Variants in SH2D4A observed in about 807,000 individuals in gnomAD.
SH2D4A encodes the protein SH2 domain containing 4A.
A neutral mutation model predicts 64.7 loss-of-function variants in SH2D4A; 70 were observed. The ratio of observed to expected loss-of-function variants is 1.08; its 90% CI spans 0.89 to 1.32. The LOEUF is 1.32. SH2D4A is among the 40% of genes most tolerant of loss of function. The pLI, the probability that SH2D4A is intolerant of heterozygous loss-of-function variation, is 0.00. For missense variants in SH2D4A, 706 were observed against 540.1 expected, an observed-to-expected ratio of 1.31 and a Z score of -3.04; for synonymous variants, 268 against 200.7, an observed-to-expected ratio of 1.34 and a Z score of -2.83.
chr8:19,372,778 T>C (rs1461217028), intron 7 of SH2D4A, among the ~76,000 whole-genome samples: 2 of 152,192 alleles, frequency 1.3e-5, no homozygotes, highest in African/African-American at 4.8e-5. Flanking sequence ...AAAATGATTC[T>C]GCTGCCTGTA....
At chr8:19,326,850 GC>G (rs950218394) in intron 2 of SH2D4A, among the ~76,000 whole-genome samples, 1 of 152,126 alleles carries the variant, frequency 6.6e-6, no homozygotes, top group African/African-American at 2.4e-5. Context: ...GGCATTCACT[GC>G]CCCCGAGGAG....
chr8:19,393,289 A>C, intron 8 of SH2D4A, 29 bp from the exon 9 acceptor site: 1 of 1,609,272 alleles, frequency 6.2e-7, no homozygotes, highest in Non-Finnish European at 8.5e-7. Flanking sequence ...ATTTGGCTGA[A>C]ATACCTGCCT....
intron 8 of SH2D4A, 26 bp from the exon 9 acceptor site, chr8:19,393,291 TA>T: frequency 6.2e-7 from 1 of 1,610,058 alleles, no homozygotes; most frequent in Non-Finnish European, 8.5e-7. Flanking sequence ...TTGGCTGAAA[TA>T]CCTGCCTTTT....
chr8:19,394,501 C>G (rs755287625), intron 9 of SH2D4A, 49 bp from the exon 10 acceptor site: 1 of 1,285,810 alleles, frequency 7.8e-7, no homozygotes, highest in South Asian at 1.4e-5. Flanking sequence ...GTAGGAAGAG[C>G]ATGTGGTCAC....
At chr8:19,364,432 T>C in intron 7 of SH2D4A, 150 bp downstream of exon 7, 1 of 816,240 alleles carries the variant, frequency 1.2e-6, no homozygotes, top group Non-Finnish European at 1.9e-6. Flanking sequence ...GTCTAAGCCT[T>C]CTTCCTGGGT....
chr8:19,370,835 A>C (rs1402415590), intron 7 of SH2D4A, among the ~76,000 whole-genome samples: 2 of 152,008 alleles, frequency 1.3e-5, no homozygotes, highest in African/African-American at 4.8e-5. Flanking sequence ...GTGGTTAGGC[A>C]CTTTTCTCTA....
intron 2 of SH2D4A, among the ~76,000 whole-genome samples, chr8:19,326,985 C>T (rs1490125673): frequency 3.9e-5 from 6 of 152,184 alleles, no homozygotes; most frequent in African/African-American, 1.4e-4. Flanking sequence ...TGGACCAAGC[C>T]CGGCCATCTC....
chr8:19,363,206 G>A (rs1281857865), intron 6 of SH2D4A, among the ~76,000 whole-genome samples: 2 of 152,184 alleles, frequency 1.3e-5, no homozygotes, highest in East Asian at 1.9e-4. Context: ...CTCCCCAGTA[G>A]CTAGGATTAC....
At chr8:19,380,208 C>T (rs570591272) in intron 8 of SH2D4A, among the ~76,000 whole-genome samples, 29 of 152,268 alleles carry the variant, frequency 1.9e-4, no homozygotes, top group African/African-American at 7.0e-4. Flanking sequence ...ACTCTTTGCC[C>T]AGTTTTGGAT....
intron 7 of SH2D4A, among the ~76,000 whole-genome samples, chr8:19,365,386 G>T (rs56017906): frequency 1.3e-5 from 2 of 152,100 alleles, no homozygotes; most frequent in African/African-American, 4.8e-5. Context: ...TTCTCTTACC[G>T]ACAACAAAGC....
rs1169382193 is a variant in SH2D4A, at chr8:19,373,577, TC to T, written c.966del (p.Ile323SerfsTer22). ...RTLSSSAQED[I>X]IRWFKEEQLP... ...CTGTCCAGCTCTGCCCAAGAGGACATCATCCGGTGGTTTAAAGAGGAGCAGC... is the reference window on the plus strand; with the variant it reads ...CTGTCCAGCTCTGCCCAAGAGGACATATCCGGTGGTTTAAAGAGGAGCAGC... On this transcript the variant is annotated frameshift_variant, in exon 8 of 10. Transcript: ENST00000265807. LOFTEE classifies it high-confidence loss of function. 6.2e-7 allele frequency: 1 copy of T among 1,613,196 alleles called. No individual in the cohort carries two copies. Among genetic ancestry groups the T allele is most frequent in the South Asian group, 1.1e-5 (1 of 91,048 alleles).
chr8:19,376,106 C>T (rs1205475222), intron 8 of SH2D4A, among the ~76,000 whole-genome samples: 1 of 152,104 alleles, frequency 6.6e-6, no homozygotes, highest in Non-Finnish European at 1.5e-5. Context: ...AATTGACTCA[C>T]GTGATTACAG....
At chr8:19,379,074 T>TAAA (rs56937745) in intron 8 of SH2D4A, among the ~76,000 whole-genome samples, 88 of 133,414 alleles carry the variant, frequency 6.6e-4, no homozygotes, top group South Asian at 2.5e-4. Context: ...GACCCTGCCT[T>TAAA]AAAAAAAAAA....
chr8:19,336,283 G>GA (rs1454017326), intron 4 of SH2D4A, among the ~76,000 whole-genome samples: 3 of 152,084 alleles, frequency 2.0e-5, no homozygotes, highest in African/African-American at 7.2e-5. Context: ...TCTCATGTTT[G>GA]GTTGTGTCAT....
intron 4 of SH2D4A, among the ~76,000 whole-genome samples, chr8:19,339,930 C>T (rs559300730): frequency 1.3e-5 from 2 of 152,250 alleles, no homozygotes; most frequent in South Asian, 2.1e-4. Flanking sequence ...TGGAGTAAAA[C>T]GGAATCACTG....
rs542971714 is a variant in SH2D4A, at chr8:19,325,995, G to A, written c.181+6267G>A. 6.6e-5 allele frequency among the ~76,000 whole-genome samples: 10 copies of A among 152,184 alleles called. 1 individual carries two copies. In the South Asian group the frequency reaches 2.1e-3, roughly 31 times the overall value. ...GCAACTTCACATCCCTGCTTGCCCA[G>A]TGGGGTCCTGTGTGTGGTTGCCACC... On this transcript the variant is annotated intron_variant, in intron 2 of 9. Transcript: ENST00000265807.
intron 4 of SH2D4A, among the ~76,000 whole-genome samples, chr8:19,337,442 T>C (rs2052461260): frequency 6.6e-6 from 1 of 151,976 alleles, no homozygotes; most frequent in South Asian, 2.1e-4. Flanking sequence ...TCTTTGCAGA[T>C]GTAATTAAAG....
chr8:19,366,323 C>T (rs969467962), intron 7 of SH2D4A, among the ~76,000 whole-genome samples: 1 of 152,150 alleles, frequency 6.6e-6, no homozygotes, highest in Admixed American at 6.5e-5. Flanking sequence ...AAAATCCTAT[C>T]TTTTGGCTGT....
chr8:19,378,902 C>G (rs1365223722), intron 8 of SH2D4A, among the ~76,000 whole-genome samples: 1 of 133,676 alleles, frequency 7.5e-6, no homozygotes, highest in Non-Finnish European at 1.6e-5. Context: ...TGGCAACACC[C>G]CATCTCTCCA....
Sources: allele counts gnomAD v4.1 joint callset (sites outside exome capture counted in the v4.1 genomes callset), GRCh38; gene constraint gnomAD v4.1.1; transcripts MANE v1.5; gene names NCBI Gene and HGNC (gene_info 2026-07-23, HGNC 2026-07-21).